The following RTCA variants were observed in gnomAD, a reference collection of about 807,000 sequenced individuals.
RTCA encodes RNA terminal phosphate cyclase domain 1.
In RTCA, 37 loss-of-function variants were observed where a neutral mutation model predicts 46.1. The ratio of observed to expected loss-of-function variants is 0.80; its 90% CI spans 0.62 to 1.06. The LOEUF (loss-of-function observed/expected upper bound fraction) is 1.06. Ranked by LOEUF, RTCA falls within the 50% of genes least tolerant of loss-of-function variation. The pLI is 0.00. For synonymous variants in RTCA, 164 were observed against 158.3 expected, an observed-to-expected ratio of 1.04 and a Z score of -0.27; for missense variants, 435 against 455.5, an observed-to-expected ratio of 0.95 and a Z score of 0.41.
chr1:100,275,142 A>G (rs1312078128), intron 6 of RTCA, among the ~76,000 whole-genome samples, 177 bp downstream of exon 6: 1 of 152,248 alleles, frequency 6.6e-6, no homozygotes, highest in Non-Finnish European at 1.5e-5. Flanking sequence ...TAATGTGGGA[A>G]CAGAAAACCA....
chr1:100,279,722 A>G (rs1228825290), intron 8 of RTCA, among the ~76,000 whole-genome samples: 1 of 152,088 alleles, frequency 6.6e-6, no homozygotes, highest in Middle Eastern at 3.2e-3. Context: ...CAAGGCTGCA[A>G]TGAGCTATGA....
chr1:100,289,442 T>C (rs1216112538), intron 10 of RTCA, among the ~76,000 whole-genome samples: 1 of 152,178 alleles, frequency 6.6e-6, no homozygotes, highest in Non-Finnish European at 1.5e-5. Context: ...GTGCCCAGTT[T>C]GATTCTTAAT....
intron 9 of RTCA, among the ~76,000 whole-genome samples, chr1:100,286,176 G>A (rs1667012293): frequency 6.6e-6 from 1 of 152,000 alleles, no homozygotes; most frequent in Non-Finnish European, 1.5e-5. Context: ...CACGTTGCAT[G>A]GCGCGGTGGC....
chr1:100,269,935 C>T (rs1372883833), intron 3 of RTCA, among the ~76,000 whole-genome samples: 4 of 152,116 alleles, frequency 2.6e-5, no homozygotes, highest in Admixed American at 2.0e-4. Context: ...GAACATGCAG[C>T]GTTTGCTTTT....
Position 100,291,497 on chromosome 1 carries a change from A to C in RTCA, c.1094A>C (p.Asn365Thr), listed in dbSNP as rs1667352640. The C allele has an allele frequency of 6.3e-7, 1 of 1,591,278 alleles. No individual in the cohort carries two copies. The highest frequency in any genetic ancestry group is 8.6e-7 in the Non-Finnish European group (1 of 1,160,690). Residue 365 changes from asparagine to threonine, a missense_variant, in exon 11 of 11, where the codon AAT becomes ACT. By Grantham distance (65) the Asn-to-Thr change is moderately conservative. Coordinates refer to ENST00000370128, the MANE Select transcript of RTCA (RefSeq NM_003729.4). ...ECQGIGMTNP[N>T]L The stretch of plus-strand genomic sequence containing the variant: ...CAAGGAATTGGGATGACAAATCCAA[A>C]TCTATAGAGTATTTGCCTCTTAAAT...
chr1:100,282,310 C>G (rs950150756), intron 8 of RTCA, among the ~76,000 whole-genome samples: 3 of 152,150 alleles, frequency 2.0e-5, no homozygotes, highest in Admixed American at 6.5e-5. Context: ...TGGCAGAAAA[C>G]TTTAGTGTAC....
intron 3 of RTCA, 100 bp from the exon 4 acceptor site, chr1:100,270,457 T>C (rs764001035): frequency 2.5e-5 from 36 of 1,424,342 alleles, no homozygotes; most frequent in Non-Finnish European, 3.3e-5. Flanking sequence ...TTGTCTGTGC[T>C]TTAGTTGGTA....
At chr1:100,288,199 G>A (rs1045527675) in intron 10 of RTCA, among the ~76,000 whole-genome samples, 3 of 152,066 alleles carry the variant, frequency 2.0e-5, no homozygotes, top group East Asian at 1.9e-4. Flanking sequence ...TCCCCTTGCC[G>A]GTAAAACCAC....
In RTCA at chr1:100,266,641, G is replaced by C. The variant is rs762296875; in HGVS notation, c.146+17G>C. The C allele has an allele frequency of 2.9e-5, 47 of 1,594,264 alleles. No homozygotes were observed. The African/African-American group carries it at 5.8e-4, about 20-fold the overall frequency. ...AGGCCTGAGGTAAATCTGGCTGGAGGGGGAGTTGGGCCGTGAAGCTGGGGG... is the reference window on the plus strand; with the variant it reads ...AGGCCTGAGGTAAATCTGGCTGGAGCGGGAGTTGGGCCGTGAAGCTGGGGG... On this transcript the variant is annotated intron_variant, in intron 2 of 10. Coordinates refer to ENST00000370128, the MANE Select transcript of RTCA (RefSeq NM_003729.4).
rs1240367478 is a variant in RTCA at position 100,266,219 on chromosome 1, G to A, written c.-157G>A. The A allele has an allele frequency of 3.6e-6, 3 of 830,840 alleles. No homozygotes were observed. The highest frequency in any genetic ancestry group is 2.7e-5 in the East Asian group (1 of 37,294). 51.5% of individuals were successfully genotyped at this position (830,840 alleles called of 1,614,324 possible). On this transcript the variant is annotated 5_prime_UTR_variant, in exon 1 of 11. Coordinates refer to ENST00000370128, the MANE Select transcript of RTCA (RefSeq NM_003729.4). ...GGGGTTCGTTTCTGCTGACTCCAGT[G>A]TCCCGAGAGGCGCCGCTTCTTCCGC...
In RTCA at chr1:100,290,749, G is replaced by C. The variant is rs1441860570; in HGVS notation, c.1000-654G>C. Among the ~76,000 whole-genome samples, 9 of 152,304 alleles carry C rather than the reference G, an allele frequency of 5.9e-5. No homozygotes were observed. The East Asian group carries it at 1.5e-3, about 26-fold the overall frequency. Reference sequence around the variant, plus strand: ...CCACTGCACTGCAGCCTGGGTGACAGAGCAAGACTCTGTCTCAAAAACAGA... The same window carrying C: ...CCACTGCACTGCAGCCTGGGTGACACAGCAAGACTCTGTCTCAAAAACAGA... On this transcript the variant is annotated intron_variant, in intron 10 of 10. Coordinates refer to ENST00000370128, the MANE Select transcript of RTCA (RefSeq NM_003729.4).
intron 5 of RTCA, among the ~76,000 whole-genome samples, chr1:100,273,974 G>A (rs906150635): frequency 5.3e-5 from 8 of 152,054 alleles, no homozygotes; most frequent in African/African-American, 7.2e-5. Context: ...TCCTTTCAAC[G>A]TGTTATGTAT....
At chr1:100,288,213 T>G (rs1237666988) in intron 10 of RTCA, among the ~76,000 whole-genome samples, 1 of 152,232 alleles carries the variant, frequency 6.6e-6, no homozygotes, top group Admixed American at 6.5e-5. Flanking sequence ...AAACCACTGT[T>G]GACATTTAGG....
At chr1:100,278,030 A>G (rs374733957) in intron 8 of RTCA, among the ~76,000 whole-genome samples, 9 of 152,204 alleles carry the variant, frequency 5.9e-5, no homozygotes, top group Admixed American at 2.0e-4. Context: ...TTTTGTGTAC[A>G]TTCCACTGTA....
intron 9 of RTCA, among the ~76,000 whole-genome samples, chr1:100,286,827 C>A (rs1239889895): frequency 1.3e-5 from 2 of 152,094 alleles, no homozygotes; most frequent in African/African-American, 4.8e-5. Flanking sequence ...GATAGTTGGT[C>A]TAAGTATATT....
rs377444032 is a variant in RTCA, at chr1:100,266,327, G to C, written c.-49G>C. On this transcript the variant is annotated 5_prime_UTR_variant, in exon 1 of 11. Coordinates refer to ENST00000370128, the MANE Select transcript of RTCA (RefSeq NM_003729.4). Reference sequence around the variant, plus strand: ...GGAGCCAACGTCTCTTCTTTCTCCCGCTCTGGCGGAGGCTTTGTCGCTGCG... The same window carrying C: ...GGAGCCAACGTCTCTTCTTTCTCCCCCTCTGGCGGAGGCTTTGTCGCTGCG... 7.0e-5 allele frequency: 112 copies of C among 1,596,748 alleles called. No individual in the cohort carries two copies. The African/African-American group carries it at 1.3e-3, about 19-fold the overall frequency.
At chr1:100,275,028 C>G (rs1278487952) in intron 6 of RTCA, 63 bp downstream of exon 6, 4 of 1,433,246 alleles carry the variant, frequency 2.8e-6, no homozygotes, top group East Asian at 4.8e-5. Context: ...ATTATGTCAA[C>G]TAAATTTTGA....
At chr1:100,275,760 C>A in intron 7 of RTCA, 37 bp downstream of exon 7, 1 of 1,542,320 alleles carries the variant, frequency 6.5e-7, no homozygotes, top group Admixed American at 2.0e-5. Flanking sequence ...TAGTTGAGAA[C>A]CCTAAAATAG....
At chr1:100,266,495 C>T (rs760862408) in intron 1 of RTCA, 29 bp from the exon 2 acceptor site, 1 of 1,610,192 alleles carries the variant, frequency 6.2e-7, no homozygotes, top group Non-Finnish European at 8.5e-7. Context: ...GTGCTTACTT[C>T]TCTTCTCCCT....
Sources: gnomAD v4.1 joint callset for allele counts (sites outside exome capture counted in the v4.1 genomes callset) on GRCh38, gnomAD v4.1.1 for gene constraint, MANE v1.5 for transcripts, NCBI Gene and HGNC (gene_info 2026-07-23, HGNC 2026-07-21) for gene names.